SLC1A2: variants seen among roughly 807,000 people sequenced by gnomAD.
The protein encoded by SLC1A2 is solute carrier family 1 member 2.
A neutral mutation model predicts 48.8 loss-of-function variants in SLC1A2; 15 were observed. That is an observed-to-expected ratio of 0.31 (90% CI 0.21 to 0.47). SLC1A2 has a LOEUF of 0.47. Ranked by LOEUF, SLC1A2 falls within the 20% of genes least tolerant of loss-of-function variation. SLC1A2 has a pLI of 0.99. For synonymous variants in SLC1A2, 279 were observed against 272.6 expected (o/e 1.02, Z -0.23); for missense variants, 502 against 730.5 (o/e 0.69, Z 3.61).
chr11:35,345,494 A>G (rs1276299471), intron 1 of SLC1A2, among the ~76,000 whole-genome samples: 1 of 152,158 alleles, frequency 6.6e-6, no homozygotes, highest in African/African-American at 2.4e-5. Context: ...CTGGGCGCCA[A>G]TAATTGCACC....
chr11:35,311,924 C>G (rs61686967), intron 4 of SLC1A2, among the ~76,000 whole-genome samples: 19 of 1,996 alleles, frequency 9.5e-3, no homozygotes, highest in South Asian at 0.021. Flanking sequence ...GAGAGAGAGG[C>G]GGGGGGGGGG....
chr11:35,391,386 G>T (rs1253289009), intron 1 of SLC1A2: 1 of 152,150 alleles, frequency 6.6e-6, no homozygotes, highest in African/African-American at 2.4e-5. Flanking sequence ...TACCAATGAG[G>T]CTCTGGGCGA....
At chr11:35,356,258 C>T (rs1305517446) in intron 1 of SLC1A2, among the ~76,000 whole-genome samples, 13 of 152,214 alleles carry the variant, frequency 8.5e-5, no homozygotes, top group East Asian at 7.7e-4. Context: ...AACTTATAAT[C>T]GACCCATACA....
At chr11:35,310,230 C>T (rs1204880361) in intron 4 of SLC1A2, among the ~76,000 whole-genome samples, 1 of 152,194 alleles carries the variant, frequency 6.6e-6, no homozygotes, top group East Asian at 1.9e-4. Context: ...TCCTATGCTC[C>T]ACTCTCCCCC....
At chr11:35,261,765 A>G (rs1950397793) in intron 10 of SLC1A2, 2 of 398,436 alleles carry the variant, frequency 5.0e-6, no homozygotes, top group South Asian at 2.5e-4. Context: ...GCATTAGAAT[A>G]TGGAGACGTG....
At chr11:35,384,760 G>A (rs925316946) in intron 1 of SLC1A2, among the ~76,000 whole-genome samples, 11 of 152,200 alleles carry the variant, frequency 7.2e-5, no homozygotes, top group Admixed American at 2.0e-4. Context: ...CTATTGGACA[G>A]TTACACAAAG....
At chr11:35,397,192 T>C (rs1490054042) in intron 1 of SLC1A2, among the ~76,000 whole-genome samples, 1 of 150,782 alleles carries the variant, frequency 6.6e-6, no homozygotes, top group Non-Finnish European at 1.5e-5. Flanking sequence ...AAAGTTCATA[T>C]GGAACCAAAA....
At chr11:35,387,406 G>A (rs1205538517) in intron 1 of SLC1A2, among the ~76,000 whole-genome samples, 2 of 152,188 alleles carry the variant, frequency 1.3e-5, no homozygotes, top group African/African-American at 4.8e-5. Flanking sequence ...CACACTGGAT[G>A]AGGAGGCAAG....
chr11:35,417,397 C>A (rs941849681), intron 1 of SLC1A2, among the ~76,000 whole-genome samples: 15 of 152,184 alleles, frequency 9.9e-5, no homozygotes, highest in African/African-American at 3.6e-4. Context: ...TAATATCATC[C>A]ATCTTTTTCA....
At chr11:35,304,317 G>A (rs1015044606) in intron 5 of SLC1A2, among the ~76,000 whole-genome samples, 3 of 152,122 alleles carry the variant, frequency 2.0e-5, no homozygotes, top group African/African-American at 4.8e-5. Flanking sequence ...CTCCTCCTGA[G>A]TATGGAGAAG....
chr11:35,403,637 A>G (rs145727548), intron 1 of SLC1A2, among the ~76,000 whole-genome samples: 1,964 of 152,330 alleles, frequency 0.013, 16 homozygotes, highest in East Asian at 0.029. Context: ...TCGCATATCC[A>G]TAAAGCAGGT....
chr11:35,383,400 A>G (rs574911709), intron 1 of SLC1A2, among the ~76,000 whole-genome samples: 1 of 152,296 alleles, frequency 6.6e-6, no homozygotes, highest in South Asian at 2.1e-4. Flanking sequence ...AAAATGCTAT[A>G]TGGCTTAAGG....
intron 4 of SLC1A2, among the ~76,000 whole-genome samples, chr11:35,310,322 G>A (rs559240883): frequency 2.0e-5 from 3 of 152,174 alleles, no homozygotes; most frequent in East Asian, 3.8e-4. Context: ...GCACCCAATC[G>A]TGTCTCTCAC....
chr11:35,367,899 G>C (rs1853907940), intron 1 of SLC1A2, among the ~76,000 whole-genome samples: 1 of 152,180 alleles, frequency 6.6e-6, no homozygotes, highest in South Asian at 2.1e-4. Flanking sequence ...CATAAATAGA[G>C]GGTGGAAGTG....
At chr11:35,409,640 G>T (rs1256472745) in intron 1 of SLC1A2, among the ~76,000 whole-genome samples, 1 of 152,152 alleles carries the variant, frequency 6.6e-6, no homozygotes, top group Admixed American at 6.5e-5. Context: ...TAGGCATGGT[G>T]GTTCACGCCT....
intron 9 of SLC1A2, among the ~76,000 whole-genome samples, chr11:35,273,651 C>G (rs1243884449): frequency 2.6e-5 from 4 of 152,158 alleles, no homozygotes; most frequent in African/African-American, 9.7e-5. Flanking sequence ...TTATCCATTT[C>G]TTTTTGCACC....
chr11:35,418,919 T>G (rs1347826102), intron 1 of SLC1A2, 31 bp downstream of exon 1: 123 of 1,550,510 alleles, frequency 7.9e-5, no homozygotes, highest in Non-Finnish European at 1.0e-4. Flanking sequence ...TGACCCCGCT[T>G]TCCCGCGGGT....
intron 1 of SLC1A2, among the ~76,000 whole-genome samples, chr11:35,384,003 G>A (rs999958022): frequency 6.6e-6 from 1 of 152,196 alleles, no homozygotes. Flanking sequence ...AAAAGGGACA[G>A]AAACTGTACT....
Position 35,268,878 on chromosome 11 carries a change from C to A in SLC1A2, c.1422-3120G>T, listed in dbSNP as rs570409214. Among the ~76,000 whole-genome samples the A allele has an allele frequency of 3.3e-5, 5 of 152,256 alleles. No homozygotes were observed. The South Asian group carries it at 1.0e-3, about 32-fold the overall frequency. ...CAGGCGGTACCATTCCAGAATCCAC[C>A]ATCTGCCACATGTTGAGAAGCACCC... On this transcript the variant is annotated intron_variant, in intron 9 of 10. Transcript: ENST00000278379.
Sources: gnomAD v4.1 joint callset for allele counts (sites outside exome capture counted in the v4.1 genomes callset) on GRCh38, gnomAD v4.1.1 for gene constraint, MANE v1.5 for transcripts, NCBI Gene and HGNC (gene_info 2026-07-23, HGNC 2026-07-21) for gene names.